The following ERAP1 variants were observed in gnomAD, a reference collection of about 807,000 sequenced individuals.
ERAP1 encodes the protein endoplasmic reticulum aminopeptidase 1.
In ERAP1, 86 loss-of-function variants were observed where a neutral mutation model predicts 103.7. That is an observed-to-expected ratio of 0.83 (90% CI 0.70 to 0.99). The LOEUF (loss-of-function observed/expected upper bound fraction) is 0.99, where lower values mean the gene tolerates loss of function less well. Ranked by LOEUF, ERAP1 falls within the 50% of genes least tolerant of loss-of-function variation. ERAP1 has a pLI of 0.00. For synonymous variants in ERAP1, 398 were observed against 402.4 expected (o/e 0.99, Z 0.13); for missense variants, 1,009 against 1,128.4 (o/e 0.89, Z 1.52).
Position 96,767,530 on chromosome 5 carries a change from C to G in ERAP1, c.2819-4302G>C, listed in dbSNP as rs753599263. On this transcript the variant is annotated intron_variant, in intron 19 of 19. Transcript: ENST00000296754. ...TCCATTAAATTTTGTTTTATTCTAGCCATAGGGGTATTTGGCATTTTAGAA... is the reference window on the plus strand; with the variant it reads ...TCCATTAAATTTTGTTTTATTCTAGGCATAGGGGTATTTGGCATTTTAGAA... 20 of 1,447,532 alleles carry G rather than the reference C, an allele frequency of 1.4e-5. No individual in the cohort carries two copies. The Admixed American group carries it at 3.4e-4, about 25-fold the overall frequency. The allele number at this position is 1,447,532 out of a possible 1,614,324, so 89.7% of individuals were successfully genotyped here. A position where few individuals can be genotyped will look rare whatever the true frequency, so the allele number is the denominator to read the frequency against.
rs1777016790 is a variant in ERAP1, at chr5:96,793,868, C to T, written c.1009G>A (p.Glu337Lys). 6.2e-7 allele frequency: 1 copy of T among 1,614,164 alleles called. No homozygotes were observed. The highest frequency in any genetic ancestry group is 2.2e-5 in the East Asian group (1 of 44,878). Reference protein sequence around the residue: ...YRESALLFDAEKSSASSKLGI... With the variant: ...YRESALLFDAKKSSASSKLGI... ...AGCTTACTTGATGCAGAAGACTTTT[C>T]TGCATCAAACAACAGAGCAGATTCT... The change falls in exon 6 of 19, where the codon GAA (glutamate) becomes AAA (lysine). Residue 337 changes from glutamate (E) to lysine (K), a missense_variant. Glu to Lys is a moderately conservative substitution (Grantham distance 56). Transcript: ENST00000443439.
At chr5:96,892,498 C>G in the ERAP1 span, 3 of 1,605,762 alleles carry the variant, frequency 1.9e-6, no homozygotes, top group Non-Finnish European at 2.6e-6. Context: ...TTCAAAATAA[C>G]ATTATATAGA....
the ERAP1 span, chr5:96,900,243 A>G: frequency 2.0e-4 from 322 of 1,609,550 alleles, no homozygotes; most frequent in African/African-American, 3.9e-3. Flanking sequence ...AGCCTGACCT[A>G]GAGTGAGTAT....
At chr5:96,802,680 T>TA (rs1193982799) in intron 2 of ERAP1, among the ~76,000 whole-genome samples, 13 of 152,204 alleles carry the variant, frequency 8.5e-5, no homozygotes. Flanking sequence ...TTTCCTCTAA[T>TA]ATGTTGCTAG....
intron 19 of ERAP1, chr5:96,766,096 A>T: frequency 6.2e-7 from 1 of 1,611,890 alleles, no homozygotes; most frequent in African/African-American, 1.3e-5. Flanking sequence ...GGAGAAAGAG[A>T]TGACACTATC....
upstream of ERAP1, among the ~76,000 whole-genome samples, chr5:96,810,126 C>T (rs1309273045): frequency 1.3e-5 from 2 of 152,212 alleles, no homozygotes; most frequent in African/African-American, 4.8e-5. Flanking sequence ...TTTAGCCTGT[C>T]GCCCTGGCCG....
chr5:96,801,410 ATTGC>A (rs1382523915), intron 2 of ERAP1, among the ~76,000 whole-genome samples: 1 of 151,446 alleles, frequency 6.6e-6, no homozygotes, highest in Non-Finnish European at 1.5e-5. Context: ...GTGACCTGAG[ATTGC>A]GCCATTGCAC....
chr5:96,786,696 C>G (rs1413196161), intron 11 of ERAP1, 147 bp from the exon 12 acceptor site: 3 of 633,120 alleles, frequency 4.7e-6, no homozygotes, highest in Non-Finnish European at 8.6e-6. Flanking sequence ...CATCCCCAGT[C>G]TGTTTTCCAG....
At chr5:96,909,147 G>C in the ERAP1 span, 3 of 1,593,674 alleles carry the variant, frequency 1.9e-6, no homozygotes, top group East Asian at 2.2e-5. Flanking sequence ...AATGTATTAA[G>C]TAAATACACA....
chr5:96,866,455 G>T, the ERAP1 span, among the ~76,000 whole-genome samples: 1 of 152,200 alleles, frequency 6.6e-6, no homozygotes, highest in Non-Finnish European at 1.5e-5. Context: ...GTAACATATA[G>T]TAGTAATAGT....
In ERAP1 at chr5:96,776,179, C is replaced by T. The variant is rs745464583; in HGVS notation, c.*217G>A. Reference sequence around the variant, plus strand: ...GCAGGGAACCCAACACTTGGGTTTACGTTGCAGGGCAACACCTGTGATGAA... The same window carrying T: ...GCAGGGAACCCAACACTTGGGTTTATGTTGCAGGGCAACACCTGTGATGAA... On this transcript the variant is annotated 3_prime_UTR_variant, in exon 19 of 19. Transcript: ENST00000443439. The T allele has an allele frequency of 1.8e-4, 266 of 1,507,224 alleles. No homozygotes were observed. Among genetic ancestry groups the T allele is most frequent in the Admixed American group, 4.4e-4 (22 of 50,072 alleles). 93.4% of individuals were successfully genotyped at this position (1,507,224 alleles called of 1,614,324 possible).
the ERAP1 span, among the ~76,000 whole-genome samples, chr5:96,908,429 T>C: frequency 6.6e-6 from 1 of 152,236 alleles, no homozygotes. Context: ...ATGAAAATAC[T>C]TGTTTTGTCC....
chr5:96,922,551 G>A, the ERAP1 span, among the ~76,000 whole-genome samples: 2 of 152,194 alleles, frequency 1.3e-5, no homozygotes, highest in Non-Finnish European at 2.9e-5. Context: ...AGGACAAACA[G>A]GGCTTTCTAG....
the ERAP1 span, among the ~76,000 whole-genome samples, chr5:96,928,489 C>G: frequency 2.0e-5 from 3 of 152,226 alleles, no homozygotes; most frequent in African/African-American, 7.2e-5. Flanking sequence ...GTCATGTGAA[C>G]ACTGGAGTTA....
At chr5:96,914,148 T>TCACACACACA in the ERAP1 span, among the ~76,000 whole-genome samples, 53 of 148,080 alleles carry the variant, frequency 3.6e-4, no homozygotes, top group African/African-American at 1.3e-3. Context: ...TCTCTCTCTC[T>TCACACACACA]CACACACACA....
the ERAP1 span, chr5:96,895,179 A>ATTT: frequency 3.4e-5 from 32 of 937,568 alleles, no homozygotes; most frequent in Admixed American, 3.6e-4. Context: ...TAACTATTGT[A>ATTT]TTTTTTGCTA....
the ERAP1 span, among the ~76,000 whole-genome samples, chr5:96,929,477 C>G: frequency 3.0e-5 from 4 of 134,466 alleles, no homozygotes; most frequent in African/African-American, 1.1e-4. Context: ...CCTTTTTTTT[C>G]TTCCTTCCTT....
chr5:96,935,838 G>C, the ERAP1 span: 88 of 361,034 alleles, frequency 2.4e-4, no homozygotes, highest in African/African-American at 1.8e-3. Context: ...GCCGGGGAGA[G>C]CGCCGCAGCC....
intron 19 of ERAP1, chr5:96,769,009 T>C (rs1011150907): frequency 6.6e-6 from 1 of 152,228 alleles, no homozygotes; most frequent in Admixed American, 6.5e-5. Flanking sequence ...CAAAACGTGA[T>C]TAAAAGTGAA....
Sources: gnomAD v4.1 joint callset for allele counts (sites outside exome capture counted in the v4.1 genomes callset) on GRCh38, gnomAD v4.1.1 for gene constraint, MANE v1.5 for transcripts, NCBI Gene and HGNC (gene_info 2026-07-23, HGNC 2026-07-21) for gene names.